Variants in HBS1L observed in about 807,000 individuals in gnomAD.
The protein encoded by HBS1L is HBS1-like protein.
HBS1L carries 55 observed loss-of-function variants against 88.9 expected under a neutral mutation model. That is an observed-to-expected ratio of 0.62 (90% CI 0.50 to 0.77). HBS1L has a LOEUF of 0.77. HBS1L is among the 30% of genes least tolerant of loss of function. HBS1L has a pLI of 0.00. For synonymous variants in HBS1L, 267 were observed against 288.5 expected, an observed-to-expected ratio of 0.93 and a Z score of 0.76; for missense variants, 741 against 829.3, an observed-to-expected ratio of 0.89 and a Z score of 1.31.
Position 134,996,815 on chromosome 6 carries a change from A to G in HBS1L, c.927T>C (p.Tyr309=). 1.2e-6 allele frequency: 2 copies of G among 1,611,352 alleles called. No individual in the cohort carries two copies. Among genetic ancestry groups the G allele is most frequent in the Non-Finnish European group, 1.7e-6 (2 of 1,179,040 alleles). ...CGCCAGTTTCATCCAAGACCCATGCATATGCAAACGAAGCTTTGCCAGCCT... is the reference window on the plus strand; with the variant it reads ...CGCCAGTTTCATCCAAGACCCATGCGTATGCAAACGAAGCTTTGCCAGCCT... ...SKKAGKASFA[Y]AWVLDETGEE... Residue 309 remains tyrosine, a synonymous_variant, in exon 7 of 18, where the codon TAT becomes TAC. Coordinates refer to ENST00000367837, the MANE Select transcript of HBS1L (RefSeq NM_006620.4).
At chr6:134,985,495 C>A (rs1774954181) in intron 11 of HBS1L, 86 bp from the exon 12 acceptor site, 2 of 765,440 alleles carry the variant, frequency 2.6e-6, no homozygotes, top group Non-Finnish European at 4.3e-6. Context: ...AATCCCACTT[C>A]TCCTAGAAAA....
chr6:134,985,269 C>G lies in HBS1L; in HGVS notation c.1492+72G>C, dbSNP rs147418976. 41 of 909,306 alleles carry G rather than the reference C, an allele frequency of 4.5e-5. No homozygotes were observed. The African/African-American group carries it at 6.8e-4, about 15-fold the overall frequency. The allele number at this position is 909,306 out of a possible 1,614,324, so 56.3% of individuals were successfully genotyped here. On this transcript the variant is annotated intron_variant, in intron 12 of 17. Coordinates refer to ENST00000367837, the MANE Select transcript of HBS1L (RefSeq NM_006620.4). ...AGGCAATATACTGTCATAACTTAGTCCAGGAAAGGAGGTTAGGAGGGAATG... is the reference window on the plus strand; with the variant it reads ...AGGCAATATACTGTCATAACTTAGTGCAGGAAAGGAGGTTAGGAGGGAATG...
At chr6:134,994,524 T>G (rs930620819) in intron 7 of HBS1L, among the ~76,000 whole-genome samples, 1 of 152,138 alleles carries the variant, frequency 6.6e-6, no homozygotes, top group Admixed American at 6.5e-5. Context: ...AATTACAGAC[T>G]TTTTTGGACT....
chr6:134,969,214 T>G, intron 16 of HBS1L, 24 bp downstream of exon 16: 1 of 1,484,858 alleles, frequency 6.7e-7, no homozygotes, highest in Non-Finnish European at 9.4e-7. Flanking sequence ...TGCTTGTTTA[T>G]CATTTCTGTA....
At chr6:135,010,548 G>C (rs1229184249) in intron 4 of HBS1L, among the ~76,000 whole-genome samples, 2 of 152,046 alleles carry the variant, frequency 1.3e-5, no homozygotes, top group Non-Finnish European at 2.9e-5. Context: ...GGTGATAATA[G>C]GATCAAGAAG....
rs1362283867 is a variant in HBS1L, at chr6:134,979,246, A to G, written c.1620T>C (p.Pro540=). Residue 540 remains proline (P), a synonymous_variant, in exon 14 of 18, where the codon CCT becomes CCC. Transcript: ENST00000367837. ...TVKGITLHDE[P]VDWAAAGDHV... ...GATCGCCTGCTGCCGCCCAGTCGAC[A>G]GGTTCATCATGCAGAGTGATTCCTG... The G allele has an allele frequency of 6.2e-7, 1 of 1,612,044 alleles. No homozygotes were observed. Among genetic ancestry groups the G allele is most frequent in the East Asian group, 2.2e-5 (1 of 44,830 alleles).
intron 5 of HBS1L, among the ~76,000 whole-genome samples, chr6:134,999,510 C>T (rs1313900368): frequency 2.2e-5 from 3 of 135,704 alleles, no homozygotes; most frequent in Admixed American, 8.5e-5. Flanking sequence ...TGCAATGGTG[C>T]GATCTCAGCT....
At chr6:135,012,304 G>A (rs1284890037) in intron 4 of HBS1L, among the ~76,000 whole-genome samples, 1 of 152,086 alleles carries the variant, frequency 6.6e-6, no homozygotes, top group Non-Finnish European at 1.5e-5. Flanking sequence ...TATAGCAATG[G>A]TCCTATATCA....
At chr6:134,976,326 A>C (rs1367397243) in intron 15 of HBS1L, among the ~76,000 whole-genome samples, 1 of 152,186 alleles carries the variant, frequency 6.6e-6, no homozygotes, top group East Asian at 1.9e-4. Flanking sequence ...GGATTGGTAT[A>C]GCCTCTGAGG....
At chr6:135,009,800 AT>A (rs67876204) in intron 4 of HBS1L, among the ~76,000 whole-genome samples, 63,146 of 143,512 alleles carry the variant, frequency 0.44, 14,126 homozygotes, top group South Asian at 0.57. Context: ...CGCCCAGCTA[AT>A]TTTTTTTTTT....
chr6:134,962,818 A>C lies in HBS1L; in HGVS notation c.*2461T>G, dbSNP rs1418400660. ...ATGGATGAAAGTAACAGGGTAGGAA[A>C]TCAGAGCATAACCAAGCTTGGGCAT... is the stretch of plus-strand genomic sequence containing the variant. On this transcript the variant is annotated 3_prime_UTR_variant, in exon 18 of 18. Transcript: ENST00000367837. 6.6e-6 allele frequency: 1 copy of C among 152,234 alleles called. No individual in the cohort carries two copies. Among genetic ancestry groups the C allele is most frequent in the Non-Finnish European group, 1.5e-5 (1 of 68,038 alleles). The allele number at this position is 152,234 out of a possible 1,614,324, so 9.4% of individuals were successfully genotyped here.
Position 135,042,034 on chromosome 6 carries a change from C to T in HBS1L, c.202G>A (p.Val68Ile). 1 of 1,613,510 alleles carries T rather than the reference C, an allele frequency of 6.2e-7. No individual in the cohort carries two copies. The highest frequency in any genetic ancestry group is 1.3e-5 in the African/African-American group (1 of 75,018). ...AATCCACTGAGCTGATGGTTTGAAA[C>T]AGAATTGGAAGATTCTTTCAGATCT... ...YEDLKESSNS[V>I]SNHQLSGFDQ... The change falls in exon 3 of 18, where the codon GTT (valine) becomes ATT (isoleucine). Residue 68 changes from valine to isoleucine, a missense_variant. Around this residue, in one of 3 missense-constraint regions of HBS1L, gnomAD observed 556 missense variants for 598.4 expected, o/e 0.93. Transcript: ENST00000367837.
Position 134,964,075 on chromosome 6 carries a change from T to G in HBS1L, c.*1204A>C, listed in dbSNP as rs927763371. 5 of 152,212 alleles carry G rather than the reference T, an allele frequency of 3.3e-5. No homozygotes were observed. Among genetic ancestry groups the G allele is most frequent in the African/African-American group, 9.6e-5 (4 of 41,458 alleles). 9.4% of individuals were successfully genotyped at this position (152,212 alleles called of 1,614,324 possible). On this transcript the variant is annotated 3_prime_UTR_variant, in exon 18 of 18. Transcript: ENST00000367837. ...CAACACATGTATAATCTGCCTACTT[T>G]ACCATACAGATGTTATTGCTTATGT...
rs546503367 is a variant in HBS1L, at chr6:135,031,366, C to T, written c.430+8207G>A. On this transcript the variant is annotated intron_variant, in intron 4 of 17. Coordinates refer to ENST00000367837, the MANE Select transcript of HBS1L (RefSeq NM_006620.4). ...GTTCAGTATTCATTAATTCAGTGTT[C>T]GTAGTGACTATAAAACATAACTACT... 2.6e-5 allele frequency among the ~76,000 whole-genome samples: 4 copies of T among 152,122 alleles called. No homozygotes were observed. The South Asian group carries it at 8.3e-4, about 32-fold the overall frequency.
chr6:135,018,400 A>C (rs1775981815), intron 4 of HBS1L, among the ~76,000 whole-genome samples: 1 of 152,036 alleles, frequency 6.6e-6, no homozygotes, highest in Non-Finnish European at 1.5e-5. Flanking sequence ...ATCACACTAG[A>C]AGAAAACAAC....
At chr6:135,019,813 T>C (rs1776021910) in intron 4 of HBS1L, among the ~76,000 whole-genome samples, 1 of 151,888 alleles carries the variant, frequency 6.6e-6, no homozygotes, top group Non-Finnish European at 1.5e-5. Flanking sequence ...GACTTAGTAA[T>C]GGCACCAATA....
chr6:135,018,892 C>G (rs1775996510), intron 4 of HBS1L, among the ~76,000 whole-genome samples: 1 of 151,900 alleles, frequency 6.6e-6, no homozygotes, highest in South Asian at 2.1e-4. Context: ...ATCCCCATCC[C>G]TGGAACTATC....
In HBS1L at chr6:135,022,019, A is replaced by G. The variant is rs1300634405; in HGVS notation, c.430+17554T>C. Among the ~76,000 whole-genome samples, 4 of 152,154 alleles carry G rather than the reference A, an allele frequency of 2.6e-5. No individual in the cohort carries two copies. The East Asian group carries it at 7.7e-4, about 29-fold the overall frequency. ...TTGGCCATATAGGTACTTCTATTAAATCAGAGACCTAGCCCCTTACGAGCT... is the reference window on the plus strand; with the variant it reads ...TTGGCCATATAGGTACTTCTATTAAGTCAGAGACCTAGCCCCTTACGAGCT... On this transcript the variant is annotated intron_variant, in intron 4 of 17. Coordinates refer to ENST00000367837, the MANE Select transcript of HBS1L (RefSeq NM_006620.4).
intron 5 of HBS1L, 118 bp from the exon 6 acceptor site, chr6:134,997,774 C>G: frequency 1.1e-6 from 1 of 947,182 alleles, no homozygotes; most frequent in Admixed American, 1.9e-5. Context: ...CAGAAATAAT[C>G]TCTGCTAAGT....
Sources: gnomAD v4.1 joint callset for allele counts (sites outside exome capture counted in the v4.1 genomes callset) on GRCh38, gnomAD v4.1.1 for gene constraint, gnomAD v4.1.1 regional missense constraint, MANE v1.5 for transcripts, NCBI Gene and HGNC (gene_info 2026-07-23, HGNC 2026-07-21) for gene names.